MAP4K4: variants seen among roughly 807,000 people sequenced by gnomAD.
MAP4K4 encodes mitogen-activated protein kinase kinase kinase kinase 4, also known as HPK/GCK-like kinase HGK.
MAP4K4 carries 38 observed loss-of-function variants against 189.6 expected under a neutral mutation model. That is an observed-to-expected ratio of 0.20 (90% CI 0.15 to 0.26). The LOEUF (loss-of-function observed/expected upper bound fraction) is 0.26, where lower values mean the gene tolerates loss of function less well. Ranked by LOEUF, MAP4K4 falls within the 10% of genes least tolerant of loss-of-function variation. The probability of loss-of-function intolerance (pLI) is 1.00; values close to 1 mark genes in which losing one functional copy is unlikely to be tolerated. For synonymous variants in MAP4K4, 610 were observed against 624.3 expected (o/e 0.98, Z 0.34); for missense variants, 1,054 against 1,726.9 (o/e 0.61, Z 6.91).
intron 3 of MAP4K4, 56 bp downstream of exon 3, chr2:101,790,832 C>A: frequency 7.3e-7 from 1 of 1,365,214 alleles, no homozygotes; most frequent in Non-Finnish European, 1.0e-6. Context: ...CAAAGATTCC[C>A]CCAACAACAC....
intron 2 of MAP4K4, among the ~76,000 whole-genome samples, chr2:101,713,218 A>G (rs552113422): frequency 2.9e-4 from 44 of 152,232 alleles, no homozygotes; most frequent in African/African-American, 1.0e-3. Flanking sequence ...TTAAACCAAA[A>G]TCTTGATTGT....
At chr2:101,701,145 T>G (rs1294002864) in intron 2 of MAP4K4, among the ~76,000 whole-genome samples, 1 of 152,218 alleles carries the variant, frequency 6.6e-6, no homozygotes, top group Non-Finnish European at 1.5e-5. Context: ...CTGAACAACT[T>G]GTCCTAATTT....
At chr2:101,840,683 T>C (rs2096890442) in intron 10 of MAP4K4, among the ~76,000 whole-genome samples, 1 of 152,220 alleles carries the variant, frequency 6.6e-6, no homozygotes, top group African/African-American at 2.4e-5. Context: ...CCTTCTCTTT[T>C]GTGGGTCCTT....
chr2:101,794,277 A>G (rs2093397768), intron 3 of MAP4K4, among the ~76,000 whole-genome samples: 1 of 152,220 alleles, frequency 6.6e-6, no homozygotes, highest in South Asian at 2.1e-4. Flanking sequence ...TCCTGATAAA[A>G]TCTTGCATAA....
intron 2 of MAP4K4, among the ~76,000 whole-genome samples, chr2:101,758,174 G>A (rs1431535077): frequency 1.1e-4 from 17 of 152,200 alleles, no homozygotes; most frequent in Non-Finnish European, 1.5e-5. Flanking sequence ...CTCGGGTAAT[G>A]GGGGTACTAC....
intron 2 of MAP4K4, among the ~76,000 whole-genome samples, chr2:101,764,463 T>C (rs1020613448): frequency 6.6e-6 from 1 of 152,242 alleles, no homozygotes; most frequent in African/African-American, 2.4e-5. Context: ...TGCCTACCTC[T>C]TTGAGGTTGA....
chr2:101,739,846 T>C (rs1553410507), intron 2 of MAP4K4, among the ~76,000 whole-genome samples: 2 of 152,196 alleles, frequency 1.3e-5, no homozygotes, highest in Non-Finnish European at 2.9e-5. Context: ...TCAGAATGGC[T>C]TCTGTCTGTT....
chr2:101,793,272 T>A (rs1429117570), intron 3 of MAP4K4, among the ~76,000 whole-genome samples: 1 of 152,248 alleles, frequency 6.6e-6, no homozygotes, highest in Non-Finnish European at 1.5e-5. Flanking sequence ...TGTGCTGTTT[T>A]CATACAGTGA....
intron 16 of MAP4K4, among the ~76,000 whole-genome samples, chr2:101,863,156 A>C (rs2097715003): frequency 6.6e-6 from 1 of 152,246 alleles, no homozygotes; most frequent in South Asian, 2.1e-4. Context: ...GGTACTGAAT[A>C]TTTTTAAAGA....
At chr2:101,755,835 T>C (rs138974826) in intron 2 of MAP4K4, among the ~76,000 whole-genome samples, 2 of 152,120 alleles carry the variant, frequency 1.3e-5, no homozygotes, top group East Asian at 3.9e-4. Context: ...TTTCTTTCAC[T>C]AGGTGACGTT....
rs1050162170 is a variant in MAP4K4 at position 101,859,572 on chromosome 2, C to G, written c.1483-71C>G. ...ATATATGGTCACTTTTTTTAAAAGC[C>G]GAACAAATCCAGAGAAGAGGCGAGC... On this transcript the variant is annotated intron_variant, in intron 14 of 32. Coordinates refer to ENST00000324219, the Ensembl canonical transcript of MAP4K4. The G allele has an allele frequency of 2.5e-6, 3 of 1,199,776 alleles. No individual in the cohort carries two copies. In the East Asian group the frequency reaches 7.7e-5, roughly 31 times the overall value. 74.3% of individuals were successfully genotyped at this position (1,199,776 alleles called of 1,614,324 possible).
At chr2:101,873,738 C>G in exon 25 of MAP4K4, 1 of 1,609,600 alleles carries the variant, frequency 6.2e-7, no homozygotes, top group Non-Finnish European at 8.5e-7. Context: ...ATTTCTCCAT[C>G]TAGCGGAACA....
intron 3 of MAP4K4, among the ~76,000 whole-genome samples, chr2:101,817,166 G>C (rs994439106): frequency 6.6e-5 from 10 of 152,088 alleles, no homozygotes; most frequent in African/African-American, 2.4e-4. Flanking sequence ...GAAGACACTT[G>C]TACCCATGGT....
At chr2:101,712,790 C>T (rs1255732310) in intron 2 of MAP4K4, among the ~76,000 whole-genome samples, 1 of 151,986 alleles carries the variant, frequency 6.6e-6, no homozygotes, top group Non-Finnish European at 1.5e-5. Context: ...GCCACTGCGC[C>T]AGGCCGAGAA....
intron 15 of MAP4K4, 91 bp from the exon 16 acceptor site, chr2:101,860,734 C>T (rs2097623595): frequency 8.9e-7 from 1 of 1,127,436 alleles, no homozygotes; most frequent in Non-Finnish European, 1.2e-6. Context: ...AGAAAACTTA[C>T]CTTTAGATTT....
At chr2:101,721,285 AT>A (rs933061096) in intron 2 of MAP4K4, among the ~76,000 whole-genome samples, 9 of 149,516 alleles carry the variant, frequency 6.0e-5, no homozygotes, top group Admixed American at 6.7e-5. Flanking sequence ...GGAGAGGTGC[AT>A]TTTTTTTTTC....
At chr2:101,751,250 A>G (rs1329982607) in intron 2 of MAP4K4, among the ~76,000 whole-genome samples, 1 of 152,258 alleles carries the variant, frequency 6.6e-6, no homozygotes, top group Non-Finnish European at 1.5e-5. Flanking sequence ...GAGAAAACAC[A>G]CTGAAGAAAC....
chr2:101,881,928 G>A (rs762083302), intron 27 of MAP4K4, among the ~76,000 whole-genome samples: 25 of 152,078 alleles, frequency 1.6e-4, no homozygotes, highest in South Asian at 1.0e-3. Flanking sequence ...TATCCATTCA[G>A]ACATTATTGT....
intron 2 of MAP4K4, among the ~76,000 whole-genome samples, chr2:101,724,651 GC>G (rs766292250): frequency 6.6e-6 from 1 of 152,216 alleles, no homozygotes; most frequent in Non-Finnish European, 1.5e-5. Context: ...AACAGGATCA[GC>G]TTTGCCTTTA....
Sources: allele counts gnomAD v4.1 joint callset (sites outside exome capture counted in the v4.1 genomes callset), GRCh38; gene constraint gnomAD v4.1.1; transcripts MANE v1.5; gene names NCBI Gene and HGNC (gene_info 2026-07-23, HGNC 2026-07-21).